LIMD1: variants seen among roughly 807,000 people sequenced by gnomAD.
LIMD1 encodes the protein LIM domain containing 1.
Under a neutral mutation model 58.4 loss-of-function variants are expected in LIMD1, and 23 were observed. That is an observed-to-expected ratio of 0.39 (90% confidence interval 0.28 to 0.56). The LOEUF (loss-of-function observed/expected upper bound fraction) is 0.56, where lower values mean the gene tolerates loss of function less well. Ranked by LOEUF, LIMD1 falls within the 20% of genes least tolerant of loss-of-function variation. LIMD1 has a pLI of 0.57. For missense variants in LIMD1, 838 were observed against 855.5 expected, an observed-to-expected ratio of 0.98 and a Z score of 0.25; for synonymous variants, 334 against 345.5, an observed-to-expected ratio of 0.97 and a Z score of 0.37.
chr3:45,613,619 T>A (rs1193292074), intron 1 of LIMD1, among the ~76,000 whole-genome samples: 3 of 150,810 alleles, frequency 2.0e-5, no homozygotes, highest in Non-Finnish European at 4.4e-5. Flanking sequence ...TATGAATAAG[T>A]CTGTTAGGAT....
intron 2 of LIMD1, among the ~76,000 whole-genome samples, chr3:45,665,148 G>A (rs555971550): frequency 4.5e-4 from 68 of 152,100 alleles, no homozygotes; most frequent in African/African-American, 1.6e-3. Flanking sequence ...AACAATGTGT[G>A]TTTTCTACAG....
At chr3:45,674,000 C>T (rs927734636) in intron 6 of LIMD1, 3 of 285,474 alleles carry the variant, frequency 1.1e-5, no homozygotes, top group Admixed American at 9.0e-5. Flanking sequence ...GATTTGTCCC[C>T]ATAACCAGGT....
intron 1 of LIMD1, among the ~76,000 whole-genome samples, chr3:45,605,377 G>A (rs1701458286): frequency 6.6e-6 from 1 of 152,244 alleles, no homozygotes; most frequent in Admixed American, 6.5e-5. Flanking sequence ...GCAATTGTAA[G>A]TGGTAATCAT....
intron 1 of LIMD1, among the ~76,000 whole-genome samples, chr3:45,600,523 A>T (rs901998187): frequency 2.6e-5 from 4 of 151,816 alleles, no homozygotes; most frequent in Non-Finnish European, 4.4e-5. Context: ...TCCTCCAGCC[A>T]TCCTCCCCAC....
At chr3:45,656,526 T>G (rs1338539158) in intron 2 of LIMD1, among the ~76,000 whole-genome samples, 1 of 146,626 alleles carries the variant, frequency 6.8e-6, no homozygotes, top group African/African-American at 2.5e-5. Flanking sequence ...TTTTTCTTTC[T>G]TTTTTTTTTT....
At chr3:45,651,937 T>C (rs1701978256) in intron 2 of LIMD1, among the ~76,000 whole-genome samples, 1 of 151,856 alleles carries the variant, frequency 6.6e-6, no homozygotes, top group Non-Finnish European at 1.5e-5. Context: ...CGGCCTGTTA[T>C]TTATTTTGAG....
intron 1 of LIMD1, among the ~76,000 whole-genome samples, chr3:45,613,712 G>C (rs1701550929): frequency 6.6e-6 from 1 of 150,400 alleles, no homozygotes; most frequent in African/African-American, 2.4e-5. Context: ...TGTCCAGGTT[G>C]GTTTTGAACT....
At position 45,680,285 on chromosome 3, in the gene LIMD1, C is replaced by G. The variant is rs1697724091; in HGVS notation, c.*3226C>G. Reference sequence around the variant, plus strand: ...ACTGCTTGATGCGCTTGTTAAAACTCTATCTGCCAGGAAACCAAATTTTCT... The same window carrying G: ...ACTGCTTGATGCGCTTGTTAAAACTGTATCTGCCAGGAAACCAAATTTTCT... On this transcript the variant is annotated 3_prime_UTR_variant, in exon 8 of 8. Transcript: ENST00000273317. 1 of 152,074 alleles carries G rather than the reference C, an allele frequency of 6.6e-6. No homozygotes were observed. Among genetic ancestry groups the G allele is most frequent in the Non-Finnish European group, 1.5e-5 (1 of 68,070 alleles). The allele number at this position is 152,074 out of a possible 1,614,324, so 9.4% of individuals were successfully genotyped here. A position where few individuals can be genotyped will look rare whatever the true frequency, so the allele number is the denominator to read the frequency against.
At chr3:45,638,026 T>TA (rs11444279) in intron 2 of LIMD1, among the ~76,000 whole-genome samples, 152,278 of 152,278 alleles carry the variant, frequency 1, 76,139 homozygotes, top group Non-Finnish European at 1. Flanking sequence ...ATATTGATGG[T>TA]ACAACACATT....
At chr3:45,608,695 C>T (rs552936008) in intron 1 of LIMD1, among the ~76,000 whole-genome samples, 6 of 152,086 alleles carry the variant, frequency 3.9e-5, no homozygotes, top group African/African-American at 1.4e-4. Flanking sequence ...CAAAAATTAG[C>T]TGGGTGTGGT....
intron 1 of LIMD1, among the ~76,000 whole-genome samples, chr3:45,629,228 A>T (rs1354770670): frequency 1.3e-5 from 2 of 151,968 alleles, no homozygotes; most frequent in Non-Finnish European, 2.9e-5. Context: ...CCTGACCAAC[A>T]TGGTGAAACT....
intron 1 of LIMD1, among the ~76,000 whole-genome samples, chr3:45,634,609 C>T (rs1286721293): frequency 6.6e-6 from 1 of 152,242 alleles, no homozygotes. Flanking sequence ...ATTCTCTTAA[C>T]AGTAACCCTA....
Position 45,677,888 on chromosome 3 carries a change from TG to T in LIMD1, c.*831del. 1 of 152,252 alleles carries T rather than the reference TG, an allele frequency of 6.6e-6. No individual in the cohort carries two copies. Among genetic ancestry groups the T allele is most frequent in the Middle Eastern group, 3.4e-3 (1 of 294 alleles). The allele number at this position is 152,252 out of a possible 1,614,324, so 9.4% of individuals were successfully genotyped here. On this transcript the variant is annotated 3_prime_UTR_variant, in exon 8 of 8. Coordinates refer to ENST00000273317, the MANE Select transcript of LIMD1 (RefSeq NM_014240.3). ...CTGGAGTTCTCAAGAGTTGGTGACT[TG>T]GAAGGCCGCTTCTGCAAGGCAAGTC...
intron 2 of LIMD1, among the ~76,000 whole-genome samples, chr3:45,645,884 C>T (rs1220499688): frequency 6.6e-6 from 1 of 152,124 alleles, no homozygotes; most frequent in African/African-American, 2.4e-5. Flanking sequence ...GTTTTGTTTG[C>T]ACCCATAGTT....
chr3:45,632,694 G>C (rs1241935593), intron 1 of LIMD1: 1 of 247,396 alleles, frequency 4.0e-6, no homozygotes, highest in African/African-American at 2.3e-5. Flanking sequence ...TTCACTAGGA[G>C]AGGCAAATGC....
intron 1 of LIMD1, among the ~76,000 whole-genome samples, chr3:45,629,821 C>G (rs1701708825): frequency 1.3e-5 from 2 of 152,146 alleles, no homozygotes; most frequent in Admixed American, 6.5e-5. Context: ...CTGTATGCTC[C>G]CCTAGAGGTT....
chr3:45,657,648 C>T (rs143396847), intron 2 of LIMD1, among the ~76,000 whole-genome samples: 12 of 152,254 alleles, frequency 7.9e-5, no homozygotes, highest in African/African-American at 2.6e-4. Flanking sequence ...TGCATGGCCT[C>T]ATGGTGCAGT....
At chr3:45,630,073 TCTC>T in intron 1 of LIMD1, among the ~76,000 whole-genome samples, 1 of 152,336 alleles carries the variant, frequency 6.6e-6, no homozygotes, top group African/African-American at 2.4e-5. Context: ...CTTCCTCTCT[TCTC>T]CTAAAAGTGT....
At chr3:45,658,589 T>C (rs1010149285) in intron 2 of LIMD1, among the ~76,000 whole-genome samples, 2 of 138,218 alleles carry the variant, frequency 1.4e-5, no homozygotes, top group African/African-American at 5.5e-5. Flanking sequence ...TTGCTCATGT[T>C]GCTCATTGCA....
Sources: gnomAD v4.1 joint callset for allele counts (sites outside exome capture counted in the v4.1 genomes callset) on GRCh38, gnomAD v4.1.1 for gene constraint, MANE v1.5 for transcripts, NCBI Gene and HGNC (gene_info 2026-07-23, HGNC 2026-07-21) for gene names.